NCOA7: variants seen among roughly 807,000 people sequenced by gnomAD.
NCOA7 encodes the protein 140 kDa estrogen receptor-associated protein.
In NCOA7, 45 loss-of-function variants were observed where a neutral mutation model predicts 104.3. That is an observed-to-expected ratio of 0.43 (90% confidence interval 0.34 to 0.55). NCOA7 has a LOEUF of 0.55. Among genes scored for constraint, NCOA7 ranks in the 20% least tolerant of loss-of-function variants. The pLI is 0.02. For synonymous variants in NCOA7, 398 were observed against 402.3 expected (o/e 0.99, Z 0.13); for missense variants, 1,041 against 1,119.7 (o/e 0.93, Z 1.00).
At chr6:125,834,313 T>C (rs1779430360) in intron 2 of NCOA7, among the ~76,000 whole-genome samples, 1 of 152,212 alleles carries the variant, frequency 6.6e-6, no homozygotes, top group African/African-American at 2.4e-5. Context: ...TAATCCCTTG[T>C]AGGTAAAAGA....
At chr6:125,874,520 C>T (rs1783201138) in intron 3 of NCOA7, among the ~76,000 whole-genome samples, 1 of 152,132 alleles carries the variant, frequency 6.6e-6, no homozygotes, top group African/African-American at 2.4e-5. Context: ...TTTTCTATGG[C>T]TATTGTTACA....
chr6:125,815,289 AG>A lies in NCOA7; in HGVS notation c.-63del, dbSNP rs751301070. 1 of 1,198,536 alleles carries A rather than the reference AG, an allele frequency of 8.3e-7. No individual in the cohort carries two copies. The highest frequency in any genetic ancestry group is 1.2e-6 in the Non-Finnish European group (1 of 850,044). The allele number at this position is 1,198,536 out of a possible 1,614,324, so 74.2% of individuals were successfully genotyped here. On this transcript the variant is annotated splice_acceptor_variant, in intron 1 of 15. Coordinates refer to ENST00000392477, the MANE Select transcript of NCOA7 (RefSeq NM_181782.5). LOFTEE classifies it low-confidence loss of function (5UTR_SPLICE). Reference sequence around the variant, plus strand: ...CAGTTGCTTTGTTATCTTTTCTTACAGGGTTACGACTCACTGATTAAAAAGA... The same window carrying A: ...CAGTTGCTTTGTTATCTTTTCTTACAGGTTACGACTCACTGATTAAAAAGA...
At chr6:125,910,893 G>C (rs1168000486) in intron 10 of NCOA7, among the ~76,000 whole-genome samples, 4 of 152,182 alleles carry the variant, frequency 2.6e-5, no homozygotes, top group African/African-American at 7.2e-5. Flanking sequence ...TCTATATACT[G>C]GTTTGGAAAG....
At chr6:125,903,077 C>T (rs1785648227) in intron 10 of NCOA7, among the ~76,000 whole-genome samples, 1 of 152,196 alleles carries the variant, frequency 6.6e-6, no homozygotes, top group African/African-American at 2.4e-5. Flanking sequence ...GAGATGACAA[C>T]TCTATCTGCT....
At chr6:125,807,020 T>A (rs1412165262) in intron 1 of NCOA7, among the ~76,000 whole-genome samples, 1 of 152,216 alleles carries the variant, frequency 6.6e-6, no homozygotes, top group Non-Finnish European at 1.5e-5. Context: ...ATGTGCCCTG[T>A]CACTCTTGAA....
At chr6:125,799,339 T>A (rs1239822732) in intron 1 of NCOA7, among the ~76,000 whole-genome samples, 1 of 152,182 alleles carries the variant, frequency 6.6e-6, no homozygotes, top group East Asian at 1.9e-4. Context: ...ATTCCATGAA[T>A]ACTTTCCAAC....
At chr6:125,912,967 CAT>C (rs1307834640) in intron 10 of NCOA7, among the ~76,000 whole-genome samples, 3 of 152,142 alleles carry the variant, frequency 2.0e-5, no homozygotes, top group Admixed American at 1.3e-4. Flanking sequence ...ATGTTTGAAT[CAT>C]ATAAATGTAT....
intron 1 of NCOA7, among the ~76,000 whole-genome samples, chr6:125,798,944 G>A (rs1009592872): frequency 9.2e-5 from 14 of 151,910 alleles, no homozygotes; most frequent in South Asian, 4.2e-4. Flanking sequence ...CTTCACCCAC[G>A]CATCATCTGC....
chr6:125,882,638 A>G (rs1345567173), intron 7 of NCOA7, 87 bp downstream of exon 7: 1 of 1,487,788 alleles, frequency 6.7e-7, no homozygotes, highest in Admixed American at 2.1e-5. Flanking sequence ...AGGCTACATT[A>G]AAAGATCTTA....
At chr6:125,860,207 T>C (rs1781921715) in intron 3 of NCOA7, among the ~76,000 whole-genome samples, 1 of 152,192 alleles carries the variant, frequency 6.6e-6, no homozygotes. Context: ...TGAAAATGTG[T>C]CAATATATTT....
intron 10 of NCOA7, among the ~76,000 whole-genome samples, chr6:125,906,731 G>A (rs932831623): frequency 6.6e-6 from 1 of 152,090 alleles, no homozygotes; most frequent in Non-Finnish European, 1.5e-5. Flanking sequence ...AGAAAGATGT[G>A]GTTTAGATGG....
chr6:125,840,594 G>A, intron 2 of NCOA7, among the ~76,000 whole-genome samples: 1 of 150,810 alleles, frequency 6.6e-6, no homozygotes, highest in East Asian at 2.0e-4. Context: ...GCTCACTGTA[G>A]CCTCAAACCT....
chr6:125,899,077 A>G (rs1322756), intron 10 of NCOA7, among the ~76,000 whole-genome samples: 53,844 of 151,966 alleles, frequency 0.35, 11,813 homozygotes, highest in East Asian at 0.52. Context: ...TCTGCCATTA[A>G]ATATTCTATT....
In NCOA7 at chr6:125,791,457, T is replaced by C. The variant is rs540626634; in HGVS notation, c.-65+390T>C. On this transcript the variant is annotated intron_variant, in intron 1 of 15. Coordinates refer to ENST00000392477, the MANE Select transcript of NCOA7 (RefSeq NM_181782.5). ...TGGATTAGCAGATGCGTTCTTCCCA[T>C]CTTTCTAGCCAAAACATGTAGACAG... Among the ~76,000 whole-genome samples, 135 of 152,328 alleles carry C rather than the reference T, an allele frequency of 8.9e-4. 1 individual carries two copies. The highest frequency in any genetic ancestry group is 2.7e-3 in the African/African-American group (114 of 41,580).
In NCOA7 at chr6:125,927,694, A is replaced by C. The variant is rs1788154645; in HGVS notation, c.2555A>C (p.Lys852Thr). 4 of 1,614,034 alleles carry C rather than the reference A, an allele frequency of 2.5e-6. No homozygotes were observed. The highest frequency in any genetic ancestry group is 1.3e-5 in the African/African-American group (1 of 74,934). The part of the protein sequence containing the change: ...IFGAYATHPF[K>T]FSDHYYGTGE... ...GGAGCATATGCAACTCATCCTTTCA[A>C]GTTCAGTGACCACTATTATGGCACA... Residue 852 changes from lysine to threonine, a missense_variant, in exon 14 of 16, where the codon AAG becomes ACG. Around this residue, in one of 2 missense-constraint regions of NCOA7, gnomAD observed 127 missense variants for 177.0 expected, o/e 0.72. Coordinates refer to ENST00000392477, the MANE Select transcript of NCOA7 (RefSeq NM_181782.5).
chr6:125,924,924 G>A (rs974773698), intron 13 of NCOA7, among the ~76,000 whole-genome samples: 3 of 152,126 alleles, frequency 2.0e-5, no homozygotes, highest in Non-Finnish European at 4.4e-5. Flanking sequence ...GTGTTTCTGA[G>A]GCTAAAATCC....
chr6:125,927,181 A>C (rs1303659571), intron 13 of NCOA7, among the ~76,000 whole-genome samples: 1 of 152,240 alleles, frequency 6.6e-6, no homozygotes, highest in Non-Finnish European at 1.5e-5. Context: ...CATTGTTACA[A>C]ATCAAAAGAA....
intron 1 of NCOA7, among the ~76,000 whole-genome samples, chr6:125,799,885 A>G (rs1346973767): frequency 2.0e-5 from 3 of 152,202 alleles, no homozygotes; most frequent in African/African-American, 7.2e-5. Flanking sequence ...ATAACGTATG[A>G]GTGTTCTGTT....
chr6:125,858,058 C>CA (rs1223022581), intron 3 of NCOA7, among the ~76,000 whole-genome samples: 1 of 152,020 alleles, frequency 6.6e-6, no homozygotes, highest in African/African-American at 2.4e-5. Flanking sequence ...TCATTTCTTC[C>CA]AGAAGCCCTC....
Sources: gnomAD v4.1 joint callset for allele counts (sites outside exome capture counted in the v4.1 genomes callset) on GRCh38, gnomAD v4.1.1 for gene constraint, gnomAD v4.1.1 regional missense constraint, MANE v1.5 for transcripts, NCBI Gene and HGNC (gene_info 2026-07-23, HGNC 2026-07-21) for gene names.